KALRN: variants seen among roughly 807,000 people sequenced by gnomAD.
KALRN encodes kalirin RhoGEF kinase, also known as kalirin.
A neutral mutation model predicts 353.7 loss-of-function variants in KALRN; 70 were observed. The ratio of observed to expected loss-of-function variants is 0.20; its 90% CI spans 0.16 to 0.24. KALRN has a LOEUF of 0.24. Ranked by LOEUF, KALRN falls within the 10% of genes least tolerant of loss-of-function variation. The pLI is 1.00. For synonymous variants in KALRN, 1,391 were observed against 1,434.8 expected (o/e 0.97, Z 0.69); for missense variants, 2,791 against 3,756.7 (o/e 0.74, Z 6.72).
At chr3:124,645,519 A>AGG (rs2150032131) in intron 37 of KALRN, among the ~76,000 whole-genome samples, 1 of 152,284 alleles carries the variant, frequency 6.6e-6, no homozygotes, top group South Asian at 2.1e-4. Flanking sequence ...GGTGTAAGGA[A>AGG]GGGGTCCACT....
rs1243570148 is a variant in KALRN at position 124,655,659 on chromosome 3, G to T, written c.5854G>T (p.Val1952Leu). The T allele has an allele frequency of 6.2e-7, 1 of 1,613,918 alleles. No homozygotes were observed. Among genetic ancestry groups the T allele is most frequent in the Non-Finnish European group, 8.5e-7 (1 of 1,179,774 alleles). ...AGACTATGTCAAGGATCTGGGCATT[G>T]TGGTGGAGGTAAGTAGAGGGTTCCA... ...EKDYVKDLGIVVEGFMKRIEE... is the reference protein window; with the variant it reads ...EKDYVKDLGILVEGFMKRIEE... The change falls in exon 39 of 60, where the codon GTG becomes TTG. Residue 1952 changes from valine to leucine, a missense_variant. By Grantham distance (32) the Val-to-Leu change is conservative. This residue lies in a region of KALRN where 1,065 missense variants were observed against 1,156.4 expected (regional missense o/e 0.92). Transcript: ENST00000682506.
rs543751603 is a variant in KALRN at position 124,081,151 on chromosome 3, C to T, written c.73+47338C>T. On this transcript the variant is annotated intron_variant, in intron 1 of 59. Transcript: ENST00000682506. Reference sequence around the variant, plus strand: ...CAGACTCACCTTCTATGACATTCTCCTGTCTACTGTAGCGGGACTGTCATG... The same window carrying T: ...CAGACTCACCTTCTATGACATTCTCTTGTCTACTGTAGCGGGACTGTCATG... Among the ~76,000 whole-genome samples the T allele has an allele frequency of 2.6e-5, 4 of 152,344 alleles. No homozygotes were observed. In the South Asian group the frequency reaches 8.3e-4, roughly 32 times the overall value.
chr3:124,402,892 G>A (rs563794339), intron 13 of KALRN, among the ~76,000 whole-genome samples: 5 of 152,138 alleles, frequency 3.3e-5, no homozygotes, highest in Non-Finnish European at 5.9e-5. Flanking sequence ...TAATGTGGCT[G>A]ACAGAGAATT....
intron 3 of KALRN, among the ~76,000 whole-genome samples, chr3:124,246,771 G>T (rs2070339964): frequency 6.6e-6 from 1 of 152,150 alleles, no homozygotes; most frequent in African/African-American, 2.4e-5. Flanking sequence ...TTCAATGTCA[G>T]GTGAAATAAG....
intron 1 of KALRN, among the ~76,000 whole-genome samples, chr3:124,113,166 C>A (rs2063149451): frequency 6.6e-6 from 1 of 152,176 alleles, no homozygotes; most frequent in South Asian, 2.1e-4. Context: ...ATAGCTCTAC[C>A]ACTTACTATT....
At chr3:124,560,897 C>A (rs772017860) in intron 33 of KALRN, among the ~76,000 whole-genome samples, 1 of 152,130 alleles carries the variant, frequency 6.6e-6, no homozygotes, top group Non-Finnish European at 1.5e-5. Context: ...AAGGCATTCC[C>A]AGGCCCTAAC....
intron 36 of KALRN, among the ~76,000 whole-genome samples, chr3:124,634,629 C>T (rs777904148): frequency 2.0e-5 from 3 of 152,178 alleles, no homozygotes; most frequent in Non-Finnish European, 2.9e-5. Context: ...GGTACTGACC[C>T]GAGGCTTGGG....
intron 1 of KALRN, among the ~76,000 whole-genome samples, chr3:124,109,635 A>C (rs2062648813): frequency 6.6e-6 from 1 of 151,428 alleles, no homozygotes; most frequent in African/African-American, 2.4e-5. Context: ...TGGACAAATA[A>C]AAATGGAATA....
chr3:124,238,629 C>T (rs988024747), intron 3 of KALRN, among the ~76,000 whole-genome samples: 1 of 152,192 alleles, frequency 6.6e-6, no homozygotes, highest in African/African-American at 2.4e-5. Context: ...TCTCAGACTT[C>T]CTAAGTAAGT....
At chr3:124,619,173 AG>A (rs1262553969) in intron 34 of KALRN, among the ~76,000 whole-genome samples, 3 of 150,054 alleles carry the variant, frequency 2.0e-5, no homozygotes, top group African/African-American at 7.4e-5. Context: ...ATCATGCAAT[AG>A]TTTTCTATGT....
At chr3:124,116,051 A>G (rs1015091136) in intron 1 of KALRN, among the ~76,000 whole-genome samples, 2 of 152,338 alleles carry the variant, frequency 1.3e-5, no homozygotes, top group Admixed American at 6.5e-5. Context: ...AGTGACAGTG[A>G]TGTTTTAGAA....
chr3:124,306,379 T>G (rs1223004551), intron 6 of KALRN, among the ~76,000 whole-genome samples: 2 of 152,036 alleles, frequency 1.3e-5, no homozygotes, highest in African/African-American at 4.8e-5. Flanking sequence ...AGATTTGAAC[T>G]GACAAGAAAA....
chr3:124,544,341 ACCT>A (rs1273590872), intron 33 of KALRN, among the ~76,000 whole-genome samples: 45 of 152,168 alleles, frequency 3.0e-4, no homozygotes, highest in Admixed American at 2.9e-3. Flanking sequence ...TGGGCAGATT[ACCT>A]GAGGTCAGGA....
intron 13 of KALRN, among the ~76,000 whole-genome samples, chr3:124,402,878 C>G (rs1481929881): frequency 6.6e-6 from 1 of 151,968 alleles, no homozygotes; most frequent in Non-Finnish European, 1.5e-5. Context: ...GTTGCCTTAC[C>G]CCATAATGTG....
At position 124,495,998 on chromosome 3, in the gene KALRN, T is replaced by C. The variant is rs985162964; in HGVS notation, c.4833-313T>C. ...ATATATATATATATATATATATATATATATATATATATATACACACACATA... is the reference window on the plus strand; with the variant it reads ...ATATATATATATATATATATATATACATATATATATATATACACACACATA... On this transcript the variant is annotated intron_variant, in intron 32 of 59. Coordinates refer to ENST00000682506, the MANE Select transcript of KALRN (RefSeq NM_001388419.1). Among the ~76,000 whole-genome samples, 25 of 51,486 alleles carry C rather than the reference T, an allele frequency of 4.9e-4. 2 individuals are homozygous for C. The highest frequency in any genetic ancestry group is 1.1e-3 in the African/African-American group (9 of 8,570). 33.8% of individuals were successfully genotyped at this position (51,486 alleles called of 152,430 possible).
At chr3:124,141,125 G>A (rs530200973) in intron 1 of KALRN, among the ~76,000 whole-genome samples, 2 of 152,164 alleles carry the variant, frequency 1.3e-5, no homozygotes, top group South Asian at 4.2e-4. Flanking sequence ...CCAGGGAACC[G>A]GTCCTTCCTG....
At chr3:124,601,254 A>G (rs2076778012) in intron 34 of KALRN, among the ~76,000 whole-genome samples, 1 of 152,360 alleles carries the variant, frequency 6.6e-6, no homozygotes, top group South Asian at 2.1e-4. Flanking sequence ...GCTACCTGGT[A>G]TATGGAATGC....
chr3:124,398,275 A>C (rs574308784), intron 12 of KALRN, among the ~76,000 whole-genome samples: 1 of 152,316 alleles, frequency 6.6e-6, no homozygotes, highest in South Asian at 2.1e-4. Context: ...TTTTTAAAAT[A>C]TGCCTTTAGT....
intron 16 of KALRN, among the ~76,000 whole-genome samples, chr3:124,433,526 A>G (rs1442580997): frequency 6.6e-6 from 1 of 151,390 alleles, no homozygotes; most frequent in Non-Finnish European, 1.5e-5. Flanking sequence ...AGCCCAGTTC[A>G]AGGCTGCAGC....
Sources: gnomAD v4.1 joint callset for allele counts (sites outside exome capture counted in the v4.1 genomes callset) on GRCh38, gnomAD v4.1.1 for gene constraint, gnomAD v4.1.1 regional missense constraint, MANE v1.5 for transcripts, NCBI Gene and HGNC (gene_info 2026-07-23, HGNC 2026-07-21) for gene names.